RNF141: variants seen among roughly 807,000 people sequenced by gnomAD.
The protein encoded by RNF141 is C3HC4-like zinc finger protein.
A neutral mutation model predicts 27.4 loss-of-function variants in RNF141; 18 were observed. That is an observed-to-expected ratio of 0.66 (90% CI 0.45 to 0.97). The LOEUF is 0.97. Among genes scored for constraint, RNF141 ranks in the 50% least tolerant of loss-of-function variants. The pLI, the probability that RNF141 is intolerant of heterozygous loss-of-function variation, is 0.00. For synonymous variants in RNF141, 97 were observed against 96.6 expected (o/e 1.00, Z -0.02); for missense variants, 230 against 279.4 (o/e 0.82, Z 1.26).
intron 1 of RNF141, among the ~76,000 whole-genome samples, chr11:10,534,817 A>G (rs961704505): frequency 6.6e-6 from 1 of 152,160 alleles, no homozygotes; most frequent in African/African-American, 2.4e-5. Context: ...ATATATTTAC[A>G]TCAGCTAAAT....
chr11:10,525,562 A>T (rs1849925893), intron 3 of RNF141, among the ~76,000 whole-genome samples, 189 bp from the exon 4 acceptor site: 1 of 152,182 alleles, frequency 6.6e-6, no homozygotes, highest in Non-Finnish European at 1.5e-5. Flanking sequence ...TGGGGTTCAA[A>T]CTTCTTATAC....
In RNF141 at chr11:10,515,203, C is replaced by A. The variant is rs1849834091; in HGVS notation, c.543-137G>T. 8.7e-6 allele frequency: 8 copies of A among 923,970 alleles called. No homozygotes were observed. The South Asian group carries it at 1.5e-4, about 17-fold the overall frequency. The allele number at this position is 923,970 out of a possible 1,614,324, so 57.2% of individuals were successfully genotyped here. ...ATAGTGAAAAATAAATCCCTCCCTC[C>A]TATCTCAATCTTCAATTCTCTTTCC... is the stretch of plus-strand genomic sequence containing the variant. On this transcript the variant is annotated intron_variant, in intron 5 of 5. Coordinates refer to ENST00000265981, the MANE Select transcript of RNF141 (RefSeq NM_016422.4).
intron 3 of RNF141, among the ~76,000 whole-genome samples, chr11:10,527,769 G>T (rs1175785039): frequency 2.0e-5 from 3 of 152,192 alleles, no homozygotes; most frequent in African/African-American, 4.8e-5. Flanking sequence ...CAGAAGCAGG[G>T]CAAGAGAAGC....
chr11:10,518,148 T>C (rs1013804584), intron 5 of RNF141, among the ~76,000 whole-genome samples: 2 of 151,926 alleles, frequency 1.3e-5, no homozygotes, highest in African/African-American at 4.8e-5. Context: ...CTAGTGGGGG[T>C]GTAAAATGGC....
At chr11:10,523,292 G>A (rs2133968669) in intron 4 of RNF141, among the ~76,000 whole-genome samples, 1 of 152,296 alleles carries the variant, frequency 6.6e-6, no homozygotes, top group East Asian at 1.9e-4. Flanking sequence ...TAAAGTAATA[G>A]GTTAGAGCAC....
At chr11:10,539,708 GA>G (rs1408748316) in intron 1 of RNF141, among the ~76,000 whole-genome samples, 5 of 3,508 alleles carry the variant, frequency 1.4e-3, no homozygotes, top group South Asian at 9.1e-3. Flanking sequence ...ATTAGAGAGA[GA>G]AGGAGAGAGA....
At chr11:10,537,402 T>C (rs1008762529) in intron 1 of RNF141, among the ~76,000 whole-genome samples, 2 of 152,190 alleles carry the variant, frequency 1.3e-5, no homozygotes, top group Non-Finnish European at 2.9e-5. Flanking sequence ...TCAACCAGGC[T>C]GAAAACTTTG....
chr11:10,514,832 T>G lies in RNF141; in HGVS notation c.*84A>C. 7.6e-7 allele frequency: 1 copy of G among 1,307,868 alleles called. No individual in the cohort carries two copies. The highest frequency in any genetic ancestry group is 2.5e-5 in the Admixed American group (1 of 39,912). 81.0% of individuals were successfully genotyped at this position (1,307,868 alleles called of 1,614,324 possible). The stretch of plus-strand genomic sequence containing the variant: ...TGGGGAAAATGGATTTTCCTGTGTC[T>G]GTGCCAGTGCCACAACCCTACATTC... On this transcript the variant is annotated 3_prime_UTR_variant, in exon 6 of 6. Transcript: ENST00000265981.
chr11:10,525,255 G>A lies in RNF141; in HGVS notation c.371C>T (p.Ser124Phe), dbSNP rs754791993. The change falls in exon 4 of 6, where the codon TCT becomes TTT. Residue 124 changes from serine to phenylalanine, a missense_variant. Transcript: ENST00000265981. ...AAGVLAQSSTSEEPDENSSSV... is the reference protein window; with the variant it reads ...AAGVLAQSSTFEEPDENSSSV... Reference sequence around the variant, plus strand: ...GGATGAGTTTTCATCAGGTTCTTCAGAGGTGGAGCTCTGTGCCAATACTCC... The same window carrying A: ...GGATGAGTTTTCATCAGGTTCTTCAAAGGTGGAGCTCTGTGCCAATACTCC... 126 of 1,612,994 alleles carry A rather than the reference G, an allele frequency of 7.8e-5. 2 individuals carry two copies. The South Asian group carries it at 1.3e-3, about 16-fold the overall frequency.
At chr11:10,528,401 C>G (rs552494415) in intron 3 of RNF141, among the ~76,000 whole-genome samples, 2 of 152,208 alleles carry the variant, frequency 1.3e-5, no homozygotes, top group East Asian at 3.9e-4. Flanking sequence ...ATCTAATTGC[C>G]TGTGCCTTTA....
intron 1 of RNF141, among the ~76,000 whole-genome samples, chr11:10,534,586 G>A (rs1263295277): frequency 6.6e-6 from 1 of 151,950 alleles, no homozygotes. Flanking sequence ...CTTACCACAT[G>A]TCAGGCTCCA....
At chr11:10,527,243 T>C (rs1366439003) in intron 3 of RNF141, among the ~76,000 whole-genome samples, 1 of 152,178 alleles carries the variant, frequency 6.6e-6, no homozygotes, top group Non-Finnish European at 1.5e-5. Flanking sequence ...ACATGATAGG[T>C]AGGAGAGACA....
intron 3 of RNF141, 90 bp from the exon 4 acceptor site, chr11:10,525,463 T>C: frequency 1.0e-6 from 1 of 973,430 alleles, no homozygotes; most frequent in Non-Finnish European, 1.5e-6. Flanking sequence ...TAGTCAAACA[T>C]CCTAGGAAAT....
Position 10,514,112 on chromosome 11 carries a change from G to A in RNF141, c.*804C>T, listed in dbSNP as rs377189375. Reference sequence around the variant, plus strand: ...AAATATAAAATTTAGTATTTGTGATGCAGAATAATTTCCTTCTGAAACTCC... The same window carrying A: ...AAATATAAAATTTAGTATTTGTGATACAGAATAATTTCCTTCTGAAACTCC... On this transcript the variant is annotated 3_prime_UTR_variant, in exon 6 of 6. Coordinates refer to ENST00000265981, the MANE Select transcript of RNF141 (RefSeq NM_016422.4). 4 of 152,294 alleles carry A rather than the reference G, an allele frequency of 2.6e-5. No homozygotes were observed. The highest frequency in any genetic ancestry group is 2.0e-4 in the Admixed American group (3 of 15,292). 9.4% of individuals were successfully genotyped at this position (152,294 alleles called of 1,614,324 possible).
chr11:10,515,059 G>A lies in RNF141; in HGVS notation c.550C>T (p.Arg184Ter), dbSNP rs771924663. 12 of 1,612,120 alleles carry A rather than the reference G, an allele frequency of 7.4e-6. No homozygotes were observed. The Admixed American group carries it at 1.2e-4, about 16-fold the overall frequency. The change falls in exon 6 of 6, where the codon CGA becomes TGA. Residue 184 changes from arginine to a stop codon, truncating the protein, a stop_gained. Transcript: ENST00000265981. LOFTEE classifies it high-confidence loss of function. ...CQKCIDKWSD[R>*]HRNCPICRLQ... Reference sequence around the variant, plus strand: ...CGACAAATAGGGCAATTCCTGTGTCGATCACTCCTATTAGAGAAGTCAAAA... The same window carrying A: ...CGACAAATAGGGCAATTCCTGTGTCAATCACTCCTATTAGAGAAGTCAAAA...
chr11:10,521,401 C>T (rs1184002967), intron 4 of RNF141, among the ~76,000 whole-genome samples: 2 of 152,038 alleles, frequency 1.3e-5, no homozygotes, highest in Non-Finnish European at 2.9e-5. Context: ...TTCTTTTAAC[C>T]TTTGTGCTTT....
intron 4 of RNF141, among the ~76,000 whole-genome samples, chr11:10,519,792 A>C (rs1849872286): frequency 6.6e-6 from 1 of 152,194 alleles, no homozygotes; most frequent in South Asian, 2.1e-4. Flanking sequence ...TAGGGCACTT[A>C]CCATAAATGG....
chr11:10,539,236 C>T (rs969547318), intron 1 of RNF141, among the ~76,000 whole-genome samples: 2 of 151,990 alleles, frequency 1.3e-5, no homozygotes, highest in Non-Finnish European at 1.5e-5. Flanking sequence ...AAAGCAAAAA[C>T]GAAAAAACTG....
At chr11:10,528,209 A>T (rs903734771) in intron 3 of RNF141, among the ~76,000 whole-genome samples, 11 of 152,162 alleles carry the variant, frequency 7.2e-5, no homozygotes, top group African/African-American at 2.4e-4. Context: ...CAATTTTTTT[A>T]AAGTTGTTTA....
Sources: allele counts gnomAD v4.1 joint callset (sites outside exome capture counted in the v4.1 genomes callset), GRCh38; gene constraint gnomAD v4.1.1; transcripts MANE v1.5; gene names NCBI Gene and HGNC (gene_info 2026-07-23, HGNC 2026-07-21).